The following RAB38 variants were observed in gnomAD, a reference collection of about 807,000 sequenced individuals.
The protein encoded by RAB38 is RAB38, member RAS oncogene family.
In RAB38, 15 loss-of-function variants were observed where a neutral mutation model predicts 18.4. That is an observed-to-expected ratio of 0.82 (90% CI 0.55 to 1.26). The LOEUF is 1.26. Ranked by LOEUF, RAB38 falls within the 50% of genes most tolerant of loss-of-function variation. The pLI is 0.00. For missense variants in RAB38, 294 were observed against 267.4 expected (o/e 1.10, Z -0.69); for synonymous variants, 101 against 104.4 (o/e 0.97, Z 0.20).
In RAB38 at chr11:88,159,947, A is replaced by T. The variant is rs748842797; in HGVS notation, c.203-9992T>A. ...AATAATTTATGACTAATTCCTCAAA[A>T]GCAATTGCAACAAAAACAAAAACTG... is the stretch of plus-strand genomic sequence containing the variant. On this transcript the variant is annotated intron_variant, in intron 1 of 2. Transcript: ENST00000243662. 1.3e-3 allele frequency among the ~76,000 whole-genome samples: 194 copies of T among 152,242 alleles called. 4 individuals carry two copies. Among genetic ancestry groups the T allele is most frequent in the Middle Eastern group, 6.8e-3 (2 of 294 alleles).
At chr11:88,108,929 G>A (rs535156757), downstream of RAB38, among the ~76,000 whole-genome samples, 8 of 152,256 alleles carry the variant, frequency 5.3e-5, no homozygotes, top group South Asian at 1.7e-3. Flanking sequence ...ATTCTGGTTT[G>A]AAAATTCTTT....
chr11:88,113,150 A>C (rs1032984921), downstream of RAB38: 1 of 152,386 alleles, frequency 6.6e-6, no homozygotes, highest in Non-Finnish European at 1.5e-5. Context: ...CTCCTCCTTG[A>C]AATAAAATTT....
chr11:87,813,641 G>T, the RAB38 span, among the ~76,000 whole-genome samples: 1 of 152,032 alleles, frequency 6.6e-6, no homozygotes, highest in Admixed American at 6.6e-5. Flanking sequence ...ACCCCAGTTT[G>T]GGTCTTACCT....
chr11:88,158,260 A>G (rs1300885941), intron 1 of RAB38, among the ~76,000 whole-genome samples: 1 of 152,148 alleles, frequency 6.6e-6, no homozygotes, highest in Non-Finnish European at 1.5e-5. Context: ...TAGACCAATA[A>G]TGACTTCCAA....
intron 2 of RAB38, among the ~76,000 whole-genome samples, chr11:88,123,934 C>T (rs780963013): frequency 6.6e-6 from 1 of 152,268 alleles, no homozygotes; most frequent in East Asian, 1.9e-4. Context: ...ATTTCTCTCC[C>T]AAACTAGAGA....
the RAB38 span, among the ~76,000 whole-genome samples, chr11:87,823,432 A>ATTCTAC: frequency 6.6e-6 from 1 of 152,210 alleles, no homozygotes; most frequent in South Asian, 2.1e-4. Flanking sequence ...AATATATATG[A>ATTCTAC]AAATTCAATG....
chr11:88,077,744 T>A, the RAB38 span, among the ~76,000 whole-genome samples: 2 of 151,968 alleles, frequency 1.3e-5, no homozygotes, highest in African/African-American at 2.4e-5. Context: ...TTGTGTAAGG[T>A]CTCAAAAGCA....
At chr11:88,145,443 A>AG (rs1304475239) in intron 2 of RAB38, among the ~76,000 whole-genome samples, 1 of 152,064 alleles carries the variant, frequency 6.6e-6, no homozygotes, top group African/African-American at 2.4e-5. Context: ...CACCGCGCCC[A>AG]GCCACATTAT....
chr11:88,173,999 C>T (rs1565223788), intron 1 of RAB38: 1 of 985,254 alleles, frequency 1.0e-6, no homozygotes, highest in Admixed American at 6.1e-5. Flanking sequence ...TTTTCTGAAA[C>T]AGAAGTGGCT....
At chr11:88,167,183 T>C (rs1013657574) in intron 1 of RAB38, 5 of 152,174 alleles carry the variant, frequency 3.3e-5, no homozygotes, top group Middle Eastern at 3.2e-3. Flanking sequence ...CCATAGGAGT[T>C]ATCTATGTTA....
chr11:87,864,322 T>G, the RAB38 span, among the ~76,000 whole-genome samples: 3 of 149,976 alleles, frequency 2.0e-5, no homozygotes, highest in Admixed American at 6.7e-5. Flanking sequence ...TATAATTATT[T>G]ATATTAATAT....
the RAB38 span, among the ~76,000 whole-genome samples, chr11:87,805,258 A>G: frequency 6.6e-6 from 1 of 152,110 alleles, no homozygotes; most frequent in East Asian, 1.9e-4. Flanking sequence ...ACTTCCATCC[A>G]TATGTGCAAC....
the RAB38 span, among the ~76,000 whole-genome samples, chr11:88,092,379 A>G: frequency 0.014 from 62 of 4,486 alleles, 9 homozygotes; most frequent in Non-Finnish European, 0.038. Flanking sequence ...AGAGAGAGAG[A>G]GAGAGAGAGA....
chr11:87,917,143 G>C, the RAB38 span, among the ~76,000 whole-genome samples: 1 of 152,132 alleles, frequency 6.6e-6, no homozygotes, highest in Admixed American at 6.6e-5. Flanking sequence ...AGTCTAATTG[G>C]TGGGTTCAGA....
intron 2 of RAB38, among the ~76,000 whole-genome samples, chr11:88,134,980 A>C (rs1309963280): frequency 6.6e-6 from 1 of 152,208 alleles, no homozygotes; most frequent in Non-Finnish European, 1.5e-5. Context: ...TGTTCCAAAA[A>C]TACAGCTGTC....
At chr11:88,056,884 GGGATATAGAA>G in the RAB38 span, among the ~76,000 whole-genome samples, 2 of 151,946 alleles carry the variant, frequency 1.3e-5, no homozygotes, top group Admixed American at 6.5e-5. Flanking sequence ...GAGGACTTAG[GGGATATAGAA>G]ACTACCAAAT....
At chr11:87,963,971 G>A in the RAB38 span, among the ~76,000 whole-genome samples, 1 of 152,202 alleles carries the variant, frequency 6.6e-6, no homozygotes, top group East Asian at 1.9e-4. Flanking sequence ...TAAAGTTTAA[G>A]CAATGGTAGA....
the RAB38 span, among the ~76,000 whole-genome samples, chr11:87,883,512 C>G: frequency 2.0e-5 from 3 of 151,756 alleles, no homozygotes; most frequent in African/African-American, 7.3e-5. Context: ...AATGGCAGCC[C>G]GTTGTGTATT....
chr11:88,012,723 T>C, the RAB38 span, among the ~76,000 whole-genome samples: 59,420 of 151,942 alleles, frequency 0.39, 13,402 homozygotes, highest in East Asian at 0.61. Context: ...GGAAAGAGGA[T>C]TATTCCTCAA....
Sources: allele counts gnomAD v4.1 joint callset (sites outside exome capture counted in the v4.1 genomes callset), GRCh38; gene constraint gnomAD v4.1.1; transcripts MANE v1.5; gene names NCBI Gene and HGNC (gene_info 2026-07-23, HGNC 2026-07-21).